Variants in TRPC6 observed in about 807,000 individuals in gnomAD.
TRPC6 encodes the protein transient receptor potential cation channel subfamily C member 6.
Under a neutral mutation model 90.7 loss-of-function variants are expected in TRPC6, and 55 were observed. The observed-to-expected ratio is 0.61, with a 90% confidence interval of 0.49 to 0.76. The LOEUF is 0.76. TRPC6 is among the 30% of genes least tolerant of loss of function. The pLI, the probability that TRPC6 is intolerant of heterozygous loss-of-function variation, is 0.00. For missense variants in TRPC6, 989 were observed against 1,122.7 expected (o/e 0.88, Z 1.70); for synonymous variants, 393 against 393.0 (o/e 1.00, Z 0.00).
chr11:101,486,804 A>G lies in TRPC6; in HGVS notation c.1293+2133T>C, dbSNP rs1217636216. 3.3e-5 allele frequency among the ~76,000 whole-genome samples: 5 copies of G among 152,308 alleles called. No homozygotes were observed. In the East Asian group the frequency reaches 9.6e-4, roughly 29 times the overall value. On this transcript the variant is annotated intron_variant, in intron 4 of 12. Transcript: ENST00000344327. Reference sequence around the variant, plus strand: ...ATATTTGGAATAAAAGCACCAATTTAGCTGAAGCAATCCCCTCCCACAAAA... The same window carrying G: ...ATATTTGGAATAAAAGCACCAATTTGGCTGAAGCAATCCCCTCCCACAAAA...
At position 101,452,794 on chromosome 11, in the gene TRPC6, CA is replaced by C. The variant is rs143334593; in HGVS notation, c.*160del. ...ACCCTGAACAATGGAGTTTAATCAC[CA>C]AAAAAATTAGATACTAGGGCTCCAG... is the stretch of plus-strand genomic sequence containing the variant. On this transcript the variant is annotated 3_prime_UTR_variant, in exon 13 of 13. Transcript: ENST00000344327. The C allele has an allele frequency of 5.0e-5, 38 of 765,828 alleles. No homozygotes were observed. Among genetic ancestry groups the C allele is most frequent in the African/African-American group, 4.6e-4 (26 of 56,866 alleles). 47.4% of individuals were successfully genotyped at this position (765,828 alleles called of 1,614,324 possible). A position where few individuals can be genotyped will look rare whatever the true frequency, so the allele number is the denominator to read the frequency against.
rs534187237 is a variant in TRPC6 at position 101,557,888 on chromosome 11, T to C, written c.170+25446A>G. On this transcript the variant is annotated intron_variant, in intron 1 of 12. Transcript: ENST00000344327. ...AGGAAGATACAAATAAATGGAAAGA[T>C]ATTCCATGTTCATAGATTACAAGAA... is the stretch of plus-strand genomic sequence containing the variant. 2.0e-5 allele frequency among the ~76,000 whole-genome samples: 3 copies of C among 152,240 alleles called. No individual in the cohort carries two copies. In the South Asian group the frequency reaches 6.2e-4, roughly 32 times the overall value.
intron 1 of TRPC6, among the ~76,000 whole-genome samples, chr11:101,574,084 T>G (rs938167463): frequency 2.7e-5 from 4 of 150,888 alleles, no homozygotes; most frequent in African/African-American, 7.4e-5. Flanking sequence ...CTCAGTTTAA[T>G]TGTCTAGCAC....
At chr11:101,496,139 C>T (rs1859943914) in intron 2 of TRPC6, among the ~76,000 whole-genome samples, 1 of 152,040 alleles carries the variant, frequency 6.6e-6, no homozygotes, top group Non-Finnish European at 1.5e-5. Context: ...ACCATCAAAT[C>T]TCATGAGAAC....
At chr11:101,476,205 T>A (rs1299391112) in intron 6 of TRPC6, 96 bp downstream of exon 6, 1 of 1,025,144 alleles carries the variant, frequency 9.8e-7, no homozygotes, top group Non-Finnish European at 1.5e-6. Context: ...TCACAAACAA[T>A]TTTATGAGAA....
intron 1 of TRPC6, among the ~76,000 whole-genome samples, chr11:101,566,537 T>C (rs1591142716): frequency 6.6e-6 from 1 of 152,178 alleles, no homozygotes; most frequent in African/African-American, 2.4e-5. Flanking sequence ...ACAAGCACCA[T>C]TTTAGAGATC....
At chr11:101,562,668 GC>G (rs1861741397) in intron 1 of TRPC6, among the ~76,000 whole-genome samples, 1 of 152,154 alleles carries the variant, frequency 6.6e-6, no homozygotes, top group Non-Finnish European at 1.5e-5. Flanking sequence ...TAGGAAAAGT[GC>G]CTTTGTCCTT....
intron 1 of TRPC6, among the ~76,000 whole-genome samples, chr11:101,567,435 C>T (rs926282883): frequency 6.6e-6 from 1 of 152,168 alleles, no homozygotes; most frequent in Non-Finnish European, 1.5e-5. Flanking sequence ...GTTGTAGGCA[C>T]AGCTTCAGCA....
At chr11:101,571,973 G>T (rs1310156585) in intron 1 of TRPC6, among the ~76,000 whole-genome samples, 1 of 152,154 alleles carries the variant, frequency 6.6e-6, no homozygotes, top group African/African-American at 2.4e-5. Flanking sequence ...AGGACTTCAA[G>T]ACTACAACAT....
chr11:101,477,359 C>T (rs1859440465), intron 5 of TRPC6, among the ~76,000 whole-genome samples: 1 of 151,890 alleles, frequency 6.6e-6, no homozygotes, highest in African/African-American at 2.4e-5. Context: ...AACATTTAAT[C>T]TTTGTGCCTG....
intron 7 of TRPC6, 44 bp from the exon 8 acceptor site, chr11:101,472,376 A>C (rs1202108569): frequency 1.3e-6 from 2 of 1,536,196 alleles, no homozygotes; most frequent in Non-Finnish European, 1.8e-6. Context: ...AAAGTGTATA[A>C]ATAAATAACA....
chr11:101,515,683 T>G (rs966988790), intron 1 of TRPC6, among the ~76,000 whole-genome samples: 18 of 152,202 alleles, frequency 1.2e-4, no homozygotes. Flanking sequence ...TTTAAACAAA[T>G]TTTTACTTGT....
intron 1 of TRPC6, among the ~76,000 whole-genome samples, chr11:101,511,871 T>C (rs1443797082): frequency 6.6e-6 from 1 of 152,158 alleles, no homozygotes; most frequent in East Asian, 1.9e-4. Context: ...TGGGGGCCTG[T>C]AATCCCAGCT....
At chr11:101,534,052 G>A (rs1358704310) in intron 1 of TRPC6, among the ~76,000 whole-genome samples, 1 of 152,144 alleles carries the variant, frequency 6.6e-6, no homozygotes, top group Admixed American at 6.6e-5. Context: ...TCTGCCATCA[G>A]GAAGTTGCCT....
chr11:101,525,645 C>T (rs993903080), intron 1 of TRPC6, among the ~76,000 whole-genome samples: 1 of 152,130 alleles, frequency 6.6e-6, no homozygotes, highest in East Asian at 1.9e-4. Context: ...GTTTTTGGAA[C>T]TCAAAGTATT....
In TRPC6 at chr11:101,582,777, G is replaced by A. The variant is rs77679196; in HGVS notation, c.170+557C>T. ...TTCACTCCAAGGCCCCAGGACCGGG[G>A]AGAGGTCCTGGTCTAACTTTGGCTG... is the stretch of plus-strand genomic sequence containing the variant. On this transcript the variant is annotated intron_variant, in intron 1 of 12. Transcript: ENST00000344327. 0.017 allele frequency among the ~76,000 whole-genome samples: 2,556 copies of A among 152,100 alleles called. 134 individuals are homozygous for A. In the East Asian group the frequency reaches 0.21, roughly 12 times the overall value.
At chr11:101,519,299 T>C (rs962208149) in intron 1 of TRPC6, among the ~76,000 whole-genome samples, 7 of 141,998 alleles carry the variant, frequency 4.9e-5, no homozygotes, top group African/African-American at 1.6e-4. Flanking sequence ...ACATCTCCTG[T>C]ACCCCATAAA....
chr11:101,459,253 G>A (rs11826762), intron 10 of TRPC6, among the ~76,000 whole-genome samples: 22,100 of 152,100 alleles, frequency 0.15, 2,754 homozygotes, highest in African/African-American at 0.34. Context: ...GAAGTGGAAC[G>A]GGAGAAGGCG....
At chr11:101,483,616 C>G (rs577386688) in intron 4 of TRPC6, among the ~76,000 whole-genome samples, 26 of 152,138 alleles carry the variant, frequency 1.7e-4, no homozygotes, top group African/African-American at 6.3e-4. Context: ...GCAATTCAGG[C>G]CTGAGTGGAT....
Sources: allele counts gnomAD v4.1 joint callset (sites outside exome capture counted in the v4.1 genomes callset), GRCh38; gene constraint gnomAD v4.1.1; transcripts MANE v1.5; gene names NCBI Gene and HGNC (gene_info 2026-07-23, HGNC 2026-07-21).